COG3: variants seen among roughly 807,000 people sequenced by gnomAD.
COG3 encodes conserved oligomeric Golgi complex subunit 3.
A neutral mutation model predicts 114.1 loss-of-function variants in COG3; 32 were observed. The observed-to-expected ratio is 0.28, with a 90% CI of 0.21 to 0.38. The LOEUF (loss-of-function observed/expected upper bound fraction) is 0.38, where lower values mean the gene tolerates loss of function less well. Among genes scored for constraint, COG3 ranks in the 10% least tolerant of loss-of-function variants. The pLI, the probability that COG3 is intolerant of heterozygous loss-of-function variation, is 1.00. For missense variants in COG3, 813 were observed against 973.2 expected (o/e 0.84, Z 2.19); for synonymous variants, 352 against 365.7 (o/e 0.96, Z 0.43).
chr13:45,490,824 C>G, intron 8 of COG3, 91 bp from the exon 9 acceptor site: 1 of 610,126 alleles, frequency 1.6e-6, no homozygotes, highest in East Asian at 3.3e-5. Context: ...TACAGTTTTT[C>G]TGAATATGTG....
chr13:45,513,987 G>GT (rs1871252813), intron 16 of COG3, among the ~76,000 whole-genome samples: 1 of 152,034 alleles, frequency 6.6e-6, no homozygotes, highest in African/African-American at 2.4e-5. Flanking sequence ...AAGAAAATAT[G>GT]TAACAGTGAA....
In COG3 at chr13:45,492,170, C is replaced by T; in HGVS notation, c.1107C>T (p.Gly369=). ...TTTGTTTACTGCAGGTTCGTAGTGG[C>T]TGTGCCTTCATGGTTCATGTCTGCC... ...NRDHCALVRS[G]CAFMVHVCQD... The change falls in exon 11 of 23, where the codon GGC becomes GGT. Residue 369 remains glycine (G), a synonymous_variant. Coordinates refer to ENST00000349995, the MANE Select transcript of COG3 (RefSeq NM_031431.4). The T allele has an allele frequency of 6.2e-7, 1 of 1,603,696 alleles. No individual in the cohort carries two copies.
At chr13:45,472,974 A>G (rs188548925) in intron 1 of COG3, among the ~76,000 whole-genome samples, 16 of 152,180 alleles carry the variant, frequency 1.1e-4, no homozygotes, top group African/African-American at 3.9e-4. Context: ...GGTTCATGCC[A>G]TTCTCCTGCC....
chr13:45,494,988 G>A (rs1566253887), intron 12 of COG3, among the ~76,000 whole-genome samples: 1 of 150,860 alleles, frequency 6.6e-6, no homozygotes, highest in Non-Finnish European at 1.5e-5. Context: ...TGGGACTACA[G>A]GTATGCACCA....
Position 45,520,285 on chromosome 13 carries a change from C to CAA in COG3, c.2154+1200_2154+1201dup, listed in dbSNP as rs35891697. ...CCTGGGTGACAGAGTGAGACTGTCT[C>CAA]AAAAAAAAAATAAAAATAAAAATAA... is the stretch of plus-strand genomic sequence containing the variant. On this transcript the variant is annotated intron_variant, in intron 19 of 22. Transcript: ENST00000349995. Among the ~76,000 whole-genome samples, 165 of 143,336 alleles carry CAA rather than the reference C, an allele frequency of 1.2e-3. 1 individual carries two copies. The highest frequency in any genetic ancestry group is 1.8e-3 in the Non-Finnish European group (117 of 66,204). 94.0% of individuals were successfully genotyped at this position (143,336 alleles called of 152,430 possible). A position where few individuals can be genotyped will look rare whatever the true frequency, so the allele number is the denominator to read the frequency against.
chr13:45,501,271 G>T (rs889020133), intron 13 of COG3, among the ~76,000 whole-genome samples: 5 of 152,072 alleles, frequency 3.3e-5, no homozygotes, highest in African/African-American at 1.2e-4. Context: ...TCTCTGTAAG[G>T]GAGATTGGTC....
In COG3 at chr13:45,504,055, T is replaced by A. The variant is rs1302606712; in HGVS notation, c.1594+706T>A. Reference sequence around the variant, plus strand: ...TTAGGGACCTAGACAGCAAGCTAGATGGGAAGTAAGCCATCTCTTCCCCAC... The same window carrying A: ...TTAGGGACCTAGACAGCAAGCTAGAAGGGAAGTAAGCCATCTCTTCCCCAC... On this transcript the variant is annotated intron_variant, in intron 14 of 22. Transcript: ENST00000349995. Among the ~76,000 whole-genome samples, 4 of 152,054 alleles carry A rather than the reference T, an allele frequency of 2.6e-5. No homozygotes were observed. In the South Asian group the frequency reaches 8.3e-4, roughly 31 times the overall value.
chr13:45,521,378 T>C (rs1477893386), intron 19 of COG3, among the ~76,000 whole-genome samples: 1 of 152,224 alleles, frequency 6.6e-6, no homozygotes, highest in East Asian at 1.9e-4. Context: ...GATCAGTCTC[T>C]GCTGCCCTTG....
At chr13:45,496,337 C>T (rs201103582) in intron 13 of COG3, 25 bp downstream of exon 13, 17 of 1,510,958 alleles carry the variant, frequency 1.1e-5, no homozygotes, top group Admixed American at 5.8e-5. Flanking sequence ...CTTGATCTCC[C>T]GTCTGCCCCC....
rs181158602 is a variant in COG3, at chr13:45,481,112, C to T, written c.550-118C>T. ...ATTGTAGAAATACTTGAGCTGAATT[C>T]TCATATCTGATATAAACCTCTGTGT... On this transcript the variant is annotated intron_variant, in intron 4 of 22. Coordinates refer to ENST00000349995, the MANE Select transcript of COG3 (RefSeq NM_031431.4). 2.9e-3 allele frequency: 1,910 copies of T among 657,932 alleles called. 7 individuals are homozygous for T. The highest frequency in any genetic ancestry group is 3.7e-3 in the Non-Finnish European group (1,341 of 366,106). 40.8% of individuals were successfully genotyped at this position (657,932 alleles called of 1,614,324 possible).
At position 45,489,492 on chromosome 13, in the gene COG3, GT is replaced by G. The variant is rs558578077; in HGVS notation, c.925-1422del. Among the ~76,000 whole-genome samples, 4 of 152,160 alleles carry G rather than the reference GT, an allele frequency of 2.6e-5. 1 individual carries two copies. In the South Asian group the frequency reaches 8.3e-4, roughly 32 times the overall value. On this transcript the variant is annotated intron_variant, in intron 8 of 22. Transcript: ENST00000349995. ...TAAAAATTTGATTAGAAAAGAAAAG[GT>G]ATAGATAAGAGGGCTCAGTGTGGTG...
intron 20 of COG3, among the ~76,000 whole-genome samples, chr13:45,528,474 C>T (rs997527410): frequency 1.3e-5 from 2 of 152,136 alleles, no homozygotes; most frequent in African/African-American, 4.8e-5. Context: ...TACAACCCTC[C>T]TCAATTAAAA....
intron 7 of COG3, among the ~76,000 whole-genome samples, chr13:45,485,202 C>A (rs1206265006): frequency 7.0e-6 from 1 of 142,982 alleles, no homozygotes; most frequent in Non-Finnish European, 1.5e-5. Flanking sequence ...CCTCACCTCC[C>A]GGACGGGGCG....
Position 45,493,572 on chromosome 13 carries a change from C to T in COG3, c.1327+86C>T, listed in dbSNP as rs556256863. ...AATAAGTGCTTCTTCCCTCACCCCACTAAATAGATAAATTTAATATTTTTG... is the reference window on the plus strand; with the variant it reads ...AATAAGTGCTTCTTCCCTCACCCCATTAAATAGATAAATTTAATATTTTTG... On this transcript the variant is annotated intron_variant, in intron 12 of 22. Coordinates refer to ENST00000349995, the MANE Select transcript of COG3 (RefSeq NM_031431.4). The T allele has an allele frequency of 1.2e-3, 1,411 of 1,169,332 alleles. 11 individuals carry two copies. In the African/African-American group the frequency reaches 0.02, roughly 16 times the overall value. 72.4% of individuals were successfully genotyped at this position (1,169,332 alleles called of 1,614,324 possible). A position where few individuals can be genotyped will look rare whatever the true frequency, so the allele number is the denominator to read the frequency against.
At chr13:45,470,067 C>G (rs73478465) in intron 1 of COG3, among the ~76,000 whole-genome samples, 15,212 of 152,124 alleles carry the variant, frequency 0.1, 2,151 homozygotes, top group African/African-American at 0.31. Context: ...ATAAGCACCC[C>G]TTTATAGTTT....
intron 20 of COG3, among the ~76,000 whole-genome samples, chr13:45,526,076 A>ATTTTTTTTTTTTTTTTT (rs386379016): frequency 1.4e-4 from 8 of 56,582 alleles, no homozygotes; most frequent in Non-Finnish European, 1.5e-4. Context: ...CAAAATTTTA[A>ATTTTTTTTTTTTTTTTT]TTTTTTTTTT....
At chr13:45,512,503 T>C (rs760676414) in intron 16 of COG3, among the ~76,000 whole-genome samples, 5 of 152,090 alleles carry the variant, frequency 3.3e-5, no homozygotes, top group African/African-American at 4.8e-5. Context: ...CTGCCAAGTT[T>C]TGTATTTTTT....
In COG3 at chr13:45,534,841, C is replaced by A; in HGVS notation, c.*110C>A. ...CGTATGTGGGAACGTCCCCGAGAAC[C>A]ACACGAGCGTGCTGCTCAGTGCTGA... On this transcript the variant is annotated 3_prime_UTR_variant, in exon 23 of 23. Coordinates refer to ENST00000349995, the MANE Select transcript of COG3 (RefSeq NM_031431.4). 1 of 1,362,920 alleles carries A rather than the reference C, an allele frequency of 7.3e-7. No homozygotes were observed. The highest frequency in any genetic ancestry group is 9.5e-7 in the Non-Finnish European group (1 of 1,057,538). 84.4% of individuals were successfully genotyped at this position (1,362,920 alleles called of 1,614,324 possible).
chr13:45,499,629 A>G (rs1206753612), intron 13 of COG3, among the ~76,000 whole-genome samples: 6 of 152,220 alleles, frequency 3.9e-5, no homozygotes, highest in African/African-American at 1.4e-4. Context: ...AAAGATAATG[A>G]CCCAGAAAGC....
Sources: gnomAD v4.1 joint callset for allele counts (sites outside exome capture counted in the v4.1 genomes callset) on GRCh38, gnomAD v4.1.1 for gene constraint, MANE v1.5 for transcripts, NCBI Gene and HGNC (gene_info 2026-07-23, HGNC 2026-07-21) for gene names.